The following KAT2B variants were observed in gnomAD, a reference collection of about 807,000 sequenced individuals.
KAT2B encodes the protein lysine acetyltransferase 2B.
A neutral mutation model predicts 105.9 loss-of-function variants in KAT2B; 36 were observed. That is an observed-to-expected ratio of 0.34 (90% CI 0.26 to 0.45). KAT2B has a LOEUF of 0.45. Among genes scored for constraint, KAT2B ranks in the 20% least tolerant of loss-of-function variants. The pLI, the probability that KAT2B is intolerant of heterozygous loss-of-function variation, is 1.00. For synonymous variants in KAT2B, 397 were observed against 377.9 expected, an observed-to-expected ratio of 1.05 and a Z score of -0.59; for missense variants, 820 against 1,021.6, an observed-to-expected ratio of 0.80 and a Z score of 2.69.
chr3:20,139,376 A>G (rs1699660136), intron 12 of KAT2B, among the ~76,000 whole-genome samples: 1 of 152,190 alleles, frequency 6.6e-6, no homozygotes, highest in Admixed American at 6.5e-5. Context: ...TGTTTCACTG[A>G]GGTCTTGAGC....
chr3:20,135,316 T>C (rs1030965971), intron 11 of KAT2B, among the ~76,000 whole-genome samples: 4 of 152,164 alleles, frequency 2.6e-5, no homozygotes, highest in African/African-American at 9.7e-5. Context: ...GGTCCTAGGA[T>C]CCATGCTTTA....
chr3:20,040,884 T>C (rs1697704750), intron 1 of KAT2B, 104 bp downstream of exon 1: 2 of 1,329,960 alleles, frequency 1.5e-6, no homozygotes, highest in Non-Finnish European at 2.0e-6. Context: ...CTCCTGCCTC[T>C]CGCCTCCCGC....
intron 2 of KAT2B, among the ~76,000 whole-genome samples, chr3:20,085,870 A>C (rs919807368): frequency 6.6e-6 from 1 of 152,158 alleles, no homozygotes; most frequent in African/African-American, 2.4e-5. Context: ...TTAATTGATT[A>C]TTCTTTTTCT....
At chr3:20,079,732 C>CTT (rs1168543472) in intron 2 of KAT2B, among the ~76,000 whole-genome samples, 1 of 152,118 alleles carries the variant, frequency 6.6e-6, no homozygotes, top group Non-Finnish European at 1.5e-5. Flanking sequence ...TATACATGTA[C>CTT]TGTGCAGATG....
At chr3:20,045,255 C>G (rs1231912360) in intron 1 of KAT2B, among the ~76,000 whole-genome samples, 1 of 152,034 alleles carries the variant, frequency 6.6e-6, no homozygotes, top group Non-Finnish European at 1.5e-5. Flanking sequence ...TGGGCTCAAG[C>G]AATCTGCCTG....
chr3:20,120,294 C>A (rs553401194), intron 8 of KAT2B, among the ~76,000 whole-genome samples: 3 of 151,902 alleles, frequency 2.0e-5, no homozygotes, highest in Non-Finnish European at 4.4e-5. Context: ...GTGGTGTGAT[C>A]TCAGCTCACT....
intron 3 of KAT2B, among the ~76,000 whole-genome samples, chr3:20,097,600 G>C (rs879628422): frequency 1.3e-5 from 2 of 152,208 alleles, no homozygotes; most frequent in Middle Eastern, 6.8e-3. Context: ...GAAGTGGTGT[G>C]ATCTCAGCTC....
chr3:20,132,356 A>C (rs558308911), intron 11 of KAT2B, among the ~76,000 whole-genome samples: 87 of 152,210 alleles, frequency 5.7e-4, no homozygotes, highest in Non-Finnish European at 1.0e-3. Context: ...CTGGGCAACA[A>C]GAGTGAAACT....
At chr3:20,134,556 G>T (rs1399936399) in intron 11 of KAT2B, among the ~76,000 whole-genome samples, 1 of 152,128 alleles carries the variant, frequency 6.6e-6, no homozygotes, top group East Asian at 1.9e-4. Context: ...TTACAGGCAC[G>T]TGCCACCACG....
chr3:20,135,237 A>C (rs1408669549), intron 11 of KAT2B, among the ~76,000 whole-genome samples: 1 of 152,220 alleles, frequency 6.6e-6, no homozygotes, highest in Non-Finnish European at 1.5e-5. Flanking sequence ...TGGAAGAATA[A>C]TTTGCAGAAG....
chr3:20,119,666 A>C lies in KAT2B; in HGVS notation c.1219A>C (p.Asn407His). The C allele has an allele frequency of 6.2e-7, 1 of 1,614,134 alleles. No homozygotes were observed. Among genetic ancestry groups the C allele is most frequent in the Non-Finnish European group, 8.5e-7 (1 of 1,179,994 alleles). ...AACCTCATCTTCCCTTGAGCAGCCA[A>C]ACGCAGGGAGCAGCAGTCCTGCCTG... Reference protein sequence around the residue: ...NSTSSSLEQPNAGSSSPACKA... With the variant: ...NSTSSSLEQPHAGSSSPACKA... The change falls in exon 8 of 18, where the codon AAC becomes CAC. Residue 407 changes from asparagine to histidine, a missense_variant. Asn to His is a moderately conservative substitution (Grantham distance 68, BLOSUM62 1). This residue lies in a region of KAT2B where 225 missense variants were observed against 268.1 expected (regional missense o/e 0.84). Transcript: ENST00000263754.
At chr3:20,110,576 G>A (rs745993314) in intron 5 of KAT2B, among the ~76,000 whole-genome samples, 2 of 151,340 alleles carry the variant, frequency 1.3e-5, no homozygotes, top group Non-Finnish European at 2.9e-5. Context: ...GGCAGGCTGA[G>A]GTAGGAGGGT....
intron 1 of KAT2B, among the ~76,000 whole-genome samples, chr3:20,043,050 G>A (rs12490799): frequency 0.16 from 23,808 of 151,840 alleles, 2,007 homozygotes; most frequent in Non-Finnish European, 0.19. Flanking sequence ...ACAGGCATGC[G>A]CCAGTACACT....
At chr3:20,046,938 A>G (rs1479809088) in intron 1 of KAT2B, among the ~76,000 whole-genome samples, 2 of 152,160 alleles carry the variant, frequency 1.3e-5, no homozygotes, top group East Asian at 1.9e-4. Context: ...ACATCCCACA[A>G]TGCACAGGAC....
chr3:20,141,279 C>CT (rs377152704), intron 13 of KAT2B, among the ~76,000 whole-genome samples: 5 of 151,798 alleles, frequency 3.3e-5, no homozygotes, highest in Non-Finnish European at 7.4e-5. Flanking sequence ...ATTGAGGTGA[C>CT]TTTTTTTATG....
intron 1 of KAT2B, among the ~76,000 whole-genome samples, chr3:20,062,247 T>A (rs1407173702): frequency 0.028 from 818 of 29,272 alleles, 12 homozygotes; most frequent in South Asian, 0.061. Flanking sequence ...AAATATATAA[T>A]ATATAAAATA....
intron 11 of KAT2B, among the ~76,000 whole-genome samples, chr3:20,128,676 C>A (rs368772080): frequency 3.3e-5 from 5 of 152,162 alleles, no homozygotes; most frequent in African/African-American, 1.2e-4. Context: ...TACTTTCTTG[C>A]TTTTAAGAAA....
intron 11 of KAT2B, among the ~76,000 whole-genome samples, chr3:20,136,538 T>C (rs536304650): frequency 6.1e-5 from 9 of 147,722 alleles, no homozygotes; most frequent in South Asian, 2.1e-4. Flanking sequence ...CATTTGCATC[T>C]TTTTTTTTTC....
intron 11 of KAT2B, among the ~76,000 whole-genome samples, chr3:20,134,474 T>G (rs1237406935): frequency 6.6e-6 from 1 of 152,184 alleles, no homozygotes; most frequent in Non-Finnish European, 1.5e-5. Context: ...TCAGCTCAGA[T>G]CTTGGCTCAC....
Sources: gnomAD v4.1 joint callset for allele counts (sites outside exome capture counted in the v4.1 genomes callset) on GRCh38, gnomAD v4.1.1 for gene constraint, gnomAD v4.1.1 regional missense constraint, MANE v1.5 for transcripts, NCBI Gene and HGNC (gene_info 2026-07-23, HGNC 2026-07-21) for gene names.